The following SPSB4 variants were observed in gnomAD, a reference collection of about 807,000 sequenced individuals.
The protein encoded by SPSB4 is splA/ryanodine receptor domain and SOCS box containing 4.
Under a neutral mutation model 20.9 loss-of-function variants are expected in SPSB4, and 21 were observed. The observed-to-expected ratio is 1.01, with a 90% confidence interval of 0.71 to 1.45. The LOEUF (loss-of-function observed/expected upper bound fraction) is 1.45, where lower values mean the gene tolerates loss of function less well. Ranked by LOEUF, SPSB4 falls within the 40% of genes most tolerant of loss-of-function variation. The pLI, the probability that SPSB4 is intolerant of heterozygous loss-of-function variation, is 0.00. For missense variants in SPSB4, 399 were observed against 399.2 expected (o/e 1.00, Z 0.00); for synonymous variants, 207 against 183.8 (o/e 1.13, Z -1.02).
intron 2 of SPSB4, among the ~76,000 whole-genome samples, 186 bp downstream of exon 2, chr3:141,066,984 G>A (rs954610425): frequency 1.3e-5 from 2 of 152,120 alleles, no homozygotes; most frequent in Admixed American, 6.5e-5. Context: ...TTCTCCCATC[G>A]GCAAAAGCAT....
At chr3:141,096,521 C>T (rs752519476) in intron 2 of SPSB4, among the ~76,000 whole-genome samples, 16 of 152,244 alleles carry the variant, frequency 1.1e-4, no homozygotes, top group South Asian at 2.1e-4. Context: ...CAGGACTTTA[C>T]AGGAATCCCT....
At chr3:141,069,404 CTCTGAG>C (rs1937950494) in intron 2 of SPSB4, among the ~76,000 whole-genome samples, 1 of 152,128 alleles carries the variant, frequency 6.6e-6, no homozygotes, top group African/African-American at 2.4e-5. Context: ...TCTAGGGAGT[CTCTGAG>C]CAGGGAAGGT....
intron 1 of SPSB4, among the ~76,000 whole-genome samples, chr3:141,055,952 C>A (rs541643440): frequency 1.2e-4 from 19 of 152,270 alleles, no homozygotes; most frequent in African/African-American, 4.6e-4. Flanking sequence ...ACTGGAGACC[C>A]GGCTTGAGAG....
intron 2 of SPSB4, among the ~76,000 whole-genome samples, chr3:141,142,972 A>G (rs1173719911): frequency 1.3e-5 from 2 of 150,682 alleles, no homozygotes; most frequent in African/African-American, 2.4e-5. Flanking sequence ...ACCCGCCACC[A>G]CGCCCAGCTA....
At position 141,057,146 on chromosome 3, in the gene SPSB4, G is replaced by A. The variant is rs1937664698; in HGVS notation, c.-154+5154G>A. 2.0e-5 allele frequency among the ~76,000 whole-genome samples: 3 copies of A among 152,316 alleles called. No individual in the cohort carries two copies. The South Asian group carries it at 6.2e-4, about 32-fold the overall frequency. On this transcript the variant is annotated intron_variant, in intron 1 of 2. Coordinates refer to ENST00000310546, the MANE Select transcript of SPSB4 (RefSeq NM_080862.3). ...TTTGTGAGCTCTTGGGGAAGAAAGG[G>A]CTTGCCCAGCCAGTTGTAGCCTGAG...
chr3:141,066,012 G>C lies in SPSB4; in HGVS notation c.-93G>C. 8.3e-7 allele frequency: 1 copy of C among 1,203,452 alleles called. No homozygotes were observed. 74.5% of individuals were successfully genotyped at this position (1,203,452 alleles called of 1,614,324 possible). The stretch of plus-strand genomic sequence containing the variant: ...TGGAGGTCTACCGTCCGGAAGCCTG[G>C]TTCCCAGCCCCGTGGCCCATTCCTG... On this transcript the variant is annotated 5_prime_UTR_variant, in exon 2 of 3. Coordinates refer to ENST00000310546, the MANE Select transcript of SPSB4 (RefSeq NM_080862.3).
At chr3:141,067,027 C>T (rs924669602) in intron 2 of SPSB4, among the ~76,000 whole-genome samples, 3 of 152,144 alleles carry the variant, frequency 2.0e-5, no homozygotes, top group Non-Finnish European at 4.4e-5. Flanking sequence ...ACAGTTGTAA[C>T]GATCAAATAA....
intron 2 of SPSB4, among the ~76,000 whole-genome samples, chr3:141,074,177 C>A (rs1414354689): frequency 6.6e-6 from 1 of 152,110 alleles, no homozygotes; most frequent in Non-Finnish European, 1.5e-5. Flanking sequence ...TGGCTTCAGT[C>A]CTGACTTGGT....
intron 2 of SPSB4, among the ~76,000 whole-genome samples, chr3:141,126,683 G>A (rs72983840): frequency 0.034 from 5,218 of 152,230 alleles, 304 homozygotes; most frequent in African/African-American, 0.12. Context: ...AATCCTTTCC[G>A]TAGGTTACCT....
chr3:141,081,118 C>G (rs914379564), intron 2 of SPSB4, among the ~76,000 whole-genome samples: 3 of 152,240 alleles, frequency 2.0e-5, no homozygotes, highest in African/African-American at 7.2e-5. Context: ...AAACACTTTA[C>G]ACTGTGGTGC....
At chr3:141,097,682 G>A (rs1938565399) in intron 2 of SPSB4, among the ~76,000 whole-genome samples, 1 of 152,062 alleles carries the variant, frequency 6.6e-6, no homozygotes, top group African/African-American at 2.4e-5. Context: ...AGGAGGAATG[G>A]TCTCTGGGAT....
chr3:141,139,672 C>A (rs1052184044), intron 2 of SPSB4, among the ~76,000 whole-genome samples: 12 of 152,368 alleles, frequency 7.9e-5, no homozygotes, highest in African/African-American at 2.9e-4. Flanking sequence ...CCCCCACTCT[C>A]TTCTGGCTTG....
At chr3:141,084,209 T>G (rs534501700) in intron 2 of SPSB4, among the ~76,000 whole-genome samples, 167 of 152,254 alleles carry the variant, frequency 1.1e-3, no homozygotes, top group African/African-American at 3.9e-3. Flanking sequence ...AATGCTTTCT[T>G]TTGTGATGTT....
At chr3:141,112,644 C>CAAAAAAAAAAAAAAAAAAAA (rs60396514) in intron 2 of SPSB4, among the ~76,000 whole-genome samples, 6 of 32,882 alleles carry the variant, frequency 1.8e-4, no homozygotes, top group African/African-American at 3.5e-4. Context: ...GACTCCGTCT[C>CAAAAAAAAAAAAAAAAAAAA]AAAAAAAAAA....
intron 2 of SPSB4, among the ~76,000 whole-genome samples, chr3:141,137,111 G>A (rs867812231): frequency 3.4e-4 from 51 of 152,220 alleles, no homozygotes; most frequent in Middle Eastern, 3.4e-3. Context: ...AACTTTGAAT[G>A]GGAGTTCACT....
intron 2 of SPSB4, chr3:141,076,920 C>G (rs1938122707): frequency 1.3e-5 from 2 of 152,180 alleles, no homozygotes; most frequent in African/African-American, 4.8e-5. Flanking sequence ...GTGGGTGGTG[C>G]TGGGAAAGCA....
At chr3:141,109,717 C>G (rs1431056500) in intron 2 of SPSB4, among the ~76,000 whole-genome samples, 2 of 151,688 alleles carry the variant, frequency 1.3e-5, no homozygotes, top group Non-Finnish European at 2.9e-5. Context: ...TTGTATCAAG[C>G]CTCTGCCCCA....
intron 1 of SPSB4, among the ~76,000 whole-genome samples, chr3:141,065,736 T>C (rs1393909540): frequency 6.6e-6 from 1 of 152,216 alleles, no homozygotes; most frequent in Non-Finnish European, 1.5e-5. Context: ...GTATATCTCT[T>C]ATAGGGAGAT....
intron 1 of SPSB4, among the ~76,000 whole-genome samples, chr3:141,055,537 T>C (rs1559836109): frequency 1.3e-5 from 2 of 151,964 alleles, no homozygotes; most frequent in East Asian, 3.9e-4. Context: ...TTGGTCCAAC[T>C]TACCTGTTGG....
Sources: allele counts gnomAD v4.1 joint callset (sites outside exome capture counted in the v4.1 genomes callset), GRCh38; gene constraint gnomAD v4.1.1; transcripts MANE v1.5; gene names NCBI Gene and HGNC (gene_info 2026-07-23, HGNC 2026-07-21).